OPHN1: variants seen among roughly 807,000 people sequenced by gnomAD.
The protein encoded by OPHN1 is oligophrenin-1.
Under a neutral mutation model 60.7 loss-of-function variants are expected in OPHN1, and 11 were observed. That is an observed-to-expected ratio of 0.18 (90% CI 0.11 to 0.30). The LOEUF (loss-of-function observed/expected upper bound fraction) is 0.30, where lower values mean the gene tolerates loss of function less well. Ranked by LOEUF, OPHN1 falls within the 10% of genes least tolerant of loss-of-function variation. The probability of loss-of-function intolerance (pLI) is 1.00; values close to 1 mark genes in which losing one functional copy is unlikely to be tolerated. For synonymous variants in OPHN1, 226 were observed against 222.6 expected, an observed-to-expected ratio of 1.02 and a Z score of -0.14; for missense variants, 449 against 611.0, an observed-to-expected ratio of 0.73 and a Z score of 2.80.
At chrX:68,323,404 C>T (rs1037564807) in intron 2 of OPHN1, among the ~76,000 whole-genome samples, 1 of 111,415 alleles carries the variant, frequency 9.0e-6, no homozygotes, top group Non-Finnish European at 1.9e-5. Flanking sequence ...AGAGCTGTTG[C>T]TGTAAATTCT....
intron 19 of OPHN1, among the ~76,000 whole-genome samples, chrX:68,084,253 T>A (rs1233015254): frequency 2.0e-5 from 2 of 99,785 alleles, no homozygotes; most frequent in Admixed American, 1.2e-4. Flanking sequence ...ATTGCAATTA[T>A]CATGAACCCT....
intron 15 of OPHN1, among the ~76,000 whole-genome samples, chrX:68,188,598 T>C (rs1308770399): frequency 1.8e-5 from 2 of 112,024 alleles, no homozygotes; most frequent in East Asian, 5.6e-4. Flanking sequence ...TACGACAGTA[T>C]CAGAAAAACG....
At position 68,043,529 on chromosome X, in the gene OPHN1, A is replaced by AT. The variant is rs1049952073; in HGVS notation, c.*3642dup. 8.1e-5 allele frequency: 9 copies of AT among 110,966 alleles called. No homozygotes were observed. Among genetic ancestry groups the AT allele is most frequent in the Non-Finnish European group, 1.3e-4 (7 of 52,936 alleles). 9.1% of individuals were successfully genotyped at this position (110,966 alleles called of 1,213,427 possible). A position where few individuals can be genotyped will look rare whatever the true frequency, so the allele number is the denominator to read the frequency against. On this transcript the variant is annotated 3_prime_UTR_variant, in exon 25 of 25. Transcript: ENST00000355520. ...ATTGATCTATGTTCTCTCAAAAGCAATTTTTTCCTAGTCACAGAACTATTT... is the reference window on the plus strand; with the variant it reads ...ATTGATCTATGTTCTCTCAAAAGCAATTTTTTTCCTAGTCACAGAACTATTT...
intron 15 of OPHN1, among the ~76,000 whole-genome samples, chrX:68,125,229 T>C (rs1033115641): frequency 9.0e-6 from 1 of 111,530 alleles, no homozygotes; most frequent in African/African-American, 3.3e-5. Context: ...CTATAATGCC[T>C]ACATCAAAAA....
At chrX:68,327,808 A>AT (rs2078272443) in intron 2 of OPHN1, among the ~76,000 whole-genome samples, 1 of 103,486 alleles carries the variant, frequency 9.7e-6, no homozygotes, top group African/African-American at 4.0e-5. Context: ...AAAAAAAAAA[A>AT]AAAAAAAAAT....
At chrX:68,048,724 G>A (rs1456836424) in intron 23 of OPHN1, among the ~76,000 whole-genome samples, 2 of 112,041 alleles carry the variant, frequency 1.8e-5, no homozygotes, top group African/African-American at 6.5e-5. Context: ...GAGAACCCAG[G>A]GAAGCTGGCT....
In OPHN1 at chrX:68,241,320, G is replaced by A. The variant is rs760228230; in HGVS notation, c.385-6732C>T. On this transcript the variant is annotated intron_variant, in intron 5 of 24. Transcript: ENST00000355520. ...GTTAAAAAGTTCCAATGAAATTGCT[G>A]TTCTATCTGCTTCAGTTCATGTTTC... 3.6e-5 allele frequency among the ~76,000 whole-genome samples: 4 copies of A among 111,901 alleles called. No individual in the cohort carries two copies. In the South Asian group the frequency reaches 1.5e-3, roughly 41 times the overall value.
intron 2 of OPHN1, among the ~76,000 whole-genome samples, chrX:68,317,394 A>AGGAGGGAG (rs1454589233): frequency 1.5e-4 from 14 of 91,180 alleles, no homozygotes; most frequent in African/African-American, 5.5e-4. Flanking sequence ...GAAGGAAGGA[A>AGGAGGGAG]GGAAGGAAGG....
chrX:68,420,194 GTCTTCTTGACACTT>G (rs1203424601), intron 2 of OPHN1, among the ~76,000 whole-genome samples: 1 of 111,821 alleles, frequency 8.9e-6, no homozygotes, highest in Non-Finnish European at 1.9e-5. Context: ...GGCCCCAGAT[GTCTTCTTGACACTT>G]CTACTTTCTG....
intron 15 of OPHN1, among the ~76,000 whole-genome samples, chrX:68,176,913 G>A (rs1240206297): frequency 9.2e-6 from 1 of 108,573 alleles, no homozygotes; most frequent in Admixed American, 1.0e-4. Context: ...AAAGGTAGAA[G>A]CAGCCCAAGT....
At chrX:68,296,085 T>C (rs1289164307) in intron 3 of OPHN1, among the ~76,000 whole-genome samples, 1 of 111,133 alleles carries the variant, frequency 9.0e-6, no homozygotes, top group Non-Finnish European at 1.9e-5. Flanking sequence ...CCCCAGTATT[T>C]TTTTCTCGAA....
intron 2 of OPHN1, among the ~76,000 whole-genome samples, chrX:68,346,854 C>T (rs1396342530): frequency 8.9e-6 from 1 of 111,896 alleles, no homozygotes; most frequent in South Asian, 3.7e-4. Context: ...TTCTGTTCAT[C>T]GTAAAAAGCT....
At chrX:68,363,882 A>G (rs1028232110) in intron 2 of OPHN1, among the ~76,000 whole-genome samples, 1 of 111,133 alleles carries the variant, frequency 9.0e-6, no homozygotes, top group Non-Finnish European at 1.9e-5. Flanking sequence ...ATGAGATTGG[A>G]AAAAAAGTTG....
chrX:68,080,277 C>A (rs1471573684), intron 19 of OPHN1, among the ~76,000 whole-genome samples: 1 of 112,258 alleles, frequency 8.9e-6, no homozygotes. Flanking sequence ...TATTAAAGTT[C>A]TTTAGTCTCT....
At chrX:68,062,055 T>A (rs1369858816) in intron 21 of OPHN1, among the ~76,000 whole-genome samples, 12 of 112,242 alleles carry the variant, frequency 1.1e-4, no homozygotes, top group African/African-American at 3.9e-4. Context: ...TTCTCTCTTT[T>A]TGTTTTCTCT....
intron 6 of OPHN1, among the ~76,000 whole-genome samples, chrX:68,223,883 GATGGCAAGAC>G (rs2077676242): frequency 9.0e-6 from 1 of 110,978 alleles, no homozygotes; most frequent in East Asian, 2.8e-4. Context: ...TAATAATAAA[GATGGCAAGAC>G]TCTAAGAAGA....
intron 20 of OPHN1, 24 bp downstream of exon 20, chrX:68,073,128 C>A (rs2076940866): frequency 2.5e-6 from 3 of 1,195,067 alleles, no homozygotes; most frequent in Admixed American, 2.3e-5. Context: ...CATTCAGAAG[C>A]TAAAGGTGAA....
intron 15 of OPHN1, among the ~76,000 whole-genome samples, chrX:68,157,995 C>G (rs2077317470): frequency 1.8e-5 from 2 of 111,375 alleles, no homozygotes; most frequent in Non-Finnish European, 3.8e-5. Context: ...GTTGCCCAGG[C>G]TGGAGTGCAG....
intron 15 of OPHN1, among the ~76,000 whole-genome samples, chrX:68,192,237 G>C (rs1474581276): frequency 4.5e-5 from 5 of 111,630 alleles, no homozygotes; most frequent in Non-Finnish European, 9.4e-5. Flanking sequence ...TGTGGCTCAT[G>C]CCTGTAATCC....
Sources: allele counts gnomAD v4.1 joint callset (sites outside exome capture counted in the v4.1 genomes callset), GRCh38; gene constraint gnomAD v4.1.1; transcripts MANE v1.5; gene names NCBI Gene and HGNC (gene_info 2026-07-23, HGNC 2026-07-21).